Variants in TBC1D5 observed in about 807,000 individuals in gnomAD.
TBC1D5 encodes the protein TBC1 domain family member 5, also known as TBC1 domain family, member 5.
TBC1D5 carries 75 observed loss-of-function variants against 100.3 expected under a neutral mutation model. That is an observed-to-expected ratio of 0.75 (90% CI 0.62 to 0.91). The LOEUF is 0.91. Among genes scored for constraint, TBC1D5 ranks in the 40% least tolerant of loss-of-function variants. TBC1D5 has a pLI of 0.00. For missense variants in TBC1D5, 910 were observed against 942.4 expected (o/e 0.97, Z 0.45); for synonymous variants, 323 against 325.6 (o/e 0.99, Z 0.09).
intron 21 of TBC1D5, among the ~76,000 whole-genome samples, chr3:17,162,867 T>C (rs1441340099): frequency 6.6e-6 from 1 of 152,216 alleles, no homozygotes; most frequent in African/African-American, 2.4e-5. Flanking sequence ...TCCAGAATTG[T>C]AGACACTTTG....
chr3:17,258,466 C>T (rs987106361), intron 16 of TBC1D5, 40 bp downstream of exon 16: 4 of 1,578,162 alleles, frequency 2.5e-6, no homozygotes, highest in Non-Finnish European at 3.5e-6. Flanking sequence ...CTGAGACTAC[C>T]TTTGTGATTT....
intron 8 of TBC1D5, among the ~76,000 whole-genome samples, chr3:17,393,120 T>G (rs1440186795): frequency 6.6e-6 from 1 of 151,444 alleles, no homozygotes; most frequent in Non-Finnish European, 1.5e-5. Flanking sequence ...ATGATGAGGT[T>G]TTTTTTTTTC....
Position 17,257,621 on chromosome 3 carries a change from A to C in TBC1D5, c.1331+885T>G, listed in dbSNP as rs1378864588. Among the ~76,000 whole-genome samples the C allele has an allele frequency of 4.6e-5, 7 of 152,320 alleles. No homozygotes were observed. The East Asian group carries it at 1.3e-3, about 29-fold the overall frequency. The stretch of plus-strand genomic sequence containing the variant: ...TACACTAAGACAAGGTTCAAATTTC[A>C]AGTTTAAATTTAGCCATTTTGTTGT... On this transcript the variant is annotated intron_variant, in intron 16 of 21. Coordinates refer to ENST00000253692, the Ensembl canonical transcript of TBC1D5.
chr3:17,596,665 C>A (rs561437446), intron 2 of TBC1D5, among the ~76,000 whole-genome samples: 24 of 146,950 alleles, frequency 1.6e-4, no homozygotes, highest in Admixed American at 4.1e-4. Context: ...AGCAGATTTG[C>A]CCTCCAGACC....
chr3:17,499,136 T>A (rs2095752408), intron 3 of TBC1D5, among the ~76,000 whole-genome samples: 1 of 152,188 alleles, frequency 6.6e-6, no homozygotes, highest in African/African-American at 2.4e-5. Flanking sequence ...AATTGAGTGA[T>A]ATCAAAGAAA....
In TBC1D5 at chr3:17,706,234, C is replaced by T. The variant is rs1391474037; in HGVS notation, c.-101+33109G>A. On this transcript the variant is annotated intron_variant, in intron 1 of 21. Transcript: ENST00000253692. Reference sequence around the variant, plus strand: ...AGGCCCAGGCTGTGGAGGCGGCGGCCACCACATTGATATTTGTACTTCTTC... The same window carrying T: ...AGGCCCAGGCTGTGGAGGCGGCGGCTACCACATTGATATTTGTACTTCTTC... 4.5e-6 allele frequency: 7 copies of T among 1,548,956 alleles called. No individual in the cohort carries two copies. The East Asian group carries it at 1.5e-4, about 32-fold the overall frequency.
At chr3:17,412,759 G>T (rs766411656) in intron 4 of TBC1D5, among the ~76,000 whole-genome samples, 13 of 152,002 alleles carry the variant, frequency 8.6e-5, no homozygotes, top group East Asian at 1.9e-4. Flanking sequence ...GGAAAGTAAG[G>T]TTCAGAAAAA....
intron 14 of TBC1D5, among the ~76,000 whole-genome samples, chr3:17,301,539 G>C (rs914758515): frequency 6.6e-6 from 1 of 152,170 alleles, no homozygotes; most frequent in Admixed American, 6.5e-5. Flanking sequence ...GATGCTTTTA[G>C]AGATATGAAA....
At position 17,223,741 on chromosome 3, in the gene TBC1D5, G is replaced by A. The variant is rs551142833; in HGVS notation, c.1589-9371C>T. Among the ~76,000 whole-genome samples the A allele has an allele frequency of 1.1e-4, 16 of 152,064 alleles. No individual in the cohort carries two copies. In the South Asian group the frequency reaches 2.7e-3, roughly 26 times the overall value. ...CTGGGCATGGTGGTGCGTGCCTGTA[G>A]TCCCAGCTACTCGAGCAGAGTCAGG... is the stretch of plus-strand genomic sequence containing the variant. On this transcript the variant is annotated intron_variant, in intron 17 of 21. Coordinates refer to ENST00000253692, the Ensembl canonical transcript of TBC1D5.
intron 3 of TBC1D5, among the ~76,000 whole-genome samples, chr3:17,442,234 T>C (rs1165455763): frequency 6.6e-6 from 1 of 152,166 alleles, no homozygotes; most frequent in Admixed American, 6.5e-5. Context: ...TCTTTTTCCC[T>C]TCTTTTTTCA....
chr3:17,541,140 A>G (rs1384290417), intron 2 of TBC1D5, among the ~76,000 whole-genome samples: 1 of 149,108 alleles, frequency 6.7e-6, no homozygotes, highest in Non-Finnish European at 1.5e-5. Context: ...TGTATTGACT[A>G]TTTGAGGTCC....
At chr3:17,287,495 T>C (rs183429922) in intron 15 of TBC1D5, among the ~76,000 whole-genome samples, 1 of 152,204 alleles carries the variant, frequency 6.6e-6, no homozygotes, top group Non-Finnish European at 1.5e-5. Flanking sequence ...AGAACAGTCA[T>C]GATGCCACTC....
intron 13 of TBC1D5, among the ~76,000 whole-genome samples, chr3:17,343,721 T>C (rs965367820): frequency 1.3e-5 from 2 of 152,178 alleles, no homozygotes; most frequent in Non-Finnish European, 1.5e-5. Flanking sequence ...GAGGAATTTA[T>C]CCATTTCTTC....
chr3:17,315,718 C>A (rs1239876663), intron 13 of TBC1D5, among the ~76,000 whole-genome samples: 1 of 152,072 alleles, frequency 6.6e-6, no homozygotes, highest in African/African-American at 2.4e-5. Flanking sequence ...TAAATGAAGA[C>A]CCCCCAAATG....
chr3:17,455,428 GTGTA>G (rs1320809942), intron 3 of TBC1D5, among the ~76,000 whole-genome samples: 2 of 144,044 alleles, frequency 1.4e-5, no homozygotes, highest in East Asian at 2.0e-4. Flanking sequence ...GTATATATGT[GTGTA>G]TGTGTGTGTA....
At chr3:17,733,003 C>T (rs2076689113) in intron 1 of TBC1D5, among the ~76,000 whole-genome samples, 1 of 152,056 alleles carries the variant, frequency 6.6e-6, no homozygotes, top group African/African-American at 2.4e-5. Context: ...GCATATAGTA[C>T]TCCTGATCAA....
intron 13 of TBC1D5, among the ~76,000 whole-genome samples, chr3:17,358,860 G>T (rs906964693): frequency 2.0e-5 from 3 of 151,192 alleles, no homozygotes; most frequent in Non-Finnish European, 4.4e-5. Flanking sequence ...ATGGTACACT[G>T]GTATAAAAAA....
intron 13 of TBC1D5, among the ~76,000 whole-genome samples, chr3:17,309,262 T>C (rs1360683335): frequency 6.6e-6 from 1 of 152,090 alleles, no homozygotes; most frequent in Non-Finnish European, 1.5e-5. Context: ...CAAAATACTG[T>C]ATACTCACAA....
intron 15 of TBC1D5, among the ~76,000 whole-genome samples, chr3:17,261,443 T>C (rs1039777928): frequency 8.4e-6 from 1 of 119,254 alleles, no homozygotes; most frequent in African/African-American, 3.3e-5. Context: ...CGAAATATTT[T>C]AGAAGAGATA....
Sources: gnomAD v4.1 joint callset for allele counts (sites outside exome capture counted in the v4.1 genomes callset) on GRCh38, gnomAD v4.1.1 for gene constraint, MANE v1.5 for transcripts, NCBI Gene and HGNC (gene_info 2026-07-23, HGNC 2026-07-21) for gene names.